The following DNAH2 variants were observed in gnomAD, a reference collection of about 807,000 sequenced individuals.
The protein encoded by DNAH2 is axonemal beta dynein heavy chain 2.
A neutral mutation model predicts 523.5 loss-of-function variants in DNAH2; 323 were observed. The ratio of observed to expected loss-of-function variants is 0.62; its 90% CI spans 0.56 to 0.68. The LOEUF is 0.68. Among genes scored for constraint, DNAH2 ranks in the 30% least tolerant of loss-of-function variants. The probability of loss-of-function intolerance (pLI) is 0.00; values close to 1 mark genes in which losing one functional copy is unlikely to be tolerated. For missense variants in DNAH2, 4,907 were observed against 5,701.5 expected, an observed-to-expected ratio of 0.86 and a Z score of 4.49; for synonymous variants, 2,093 against 2,177.4, an observed-to-expected ratio of 0.96 and a Z score of 1.08.
At chr17:7,804,228 C>G (rs2077301770) in intron 58 of DNAH2, 28 bp from the exon 59 acceptor site, 1 of 1,612,360 alleles carries the variant, frequency 6.2e-7, no homozygotes, top group African/African-American at 1.3e-5. Flanking sequence ...CCCCGCCTCT[C>G]CACACCCTGT....
chr17:7,734,764 T>A, intron 7 of DNAH2, 56 bp downstream of exon 7: 3 of 1,567,414 alleles, frequency 1.9e-6, no homozygotes, highest in Non-Finnish European at 2.6e-6. Flanking sequence ...ATGGTTGGGA[T>A]GATACAGGGA....
chr17:7,797,924 G>A (rs2077111497), intron 53 of DNAH2, 95 bp downstream of exon 53: 1 of 1,496,584 alleles, frequency 6.7e-7, no homozygotes, highest in African/African-American at 1.4e-5. Context: ...CCCAAATCAA[G>A]TTCCAGAAGC....
At position 7,817,985 on chromosome 17, in the gene DNAH2, C is replaced by G. The variant is rs754471787; in HGVS notation, c.10276C>G (p.Arg3426Gly). 6.2e-7 allele frequency: 1 copy of G among 1,614,080 alleles called. No homozygotes were observed. Among genetic ancestry groups the G allele is most frequent in the Admixed American group, 1.7e-5 (1 of 60,014 alleles). ...IIDLQMSDYL[R>G]ILEHAIHFGY... is the part of the protein sequence containing the mutation. Reference sequence around the variant, plus strand: ...CGACCTGCAGATGAGCGATTACCTGCGAATCCTAGAACACGCCATTCACTT... The same window carrying G: ...CGACCTGCAGATGAGCGATTACCTGGGAATCCTAGAACACGCCATTCACTT... Residue 3426 changes from arginine to glycine, a missense_variant, in exon 68 of 86, where the codon CGA becomes GGA. Arg to Gly is a moderately radical substitution (Grantham distance 125). Transcript: ENST00000572933.
In DNAH2 at chr17:7,776,078, C is replaced by T. The variant is rs145092294; in HGVS notation, c.4876C>T (p.Arg1626Trp). 1.6e-4 allele frequency: 252 copies of T among 1,614,114 alleles called. No homozygotes were observed. The Middle Eastern group carries it at 2.1e-3, about 14-fold the overall frequency. Residue 1626 changes from arginine to tryptophan, a missense_variant, in exon 31 of 86, where the codon CGG (arginine) becomes TGG (tryptophan). Physicochemically the swap from Arg to Trp is moderately radical, Grantham distance 101. Transcript: ENST00000572933. ...GAGGGTGACCCTGCGGGACCTTCTCCGGAACTGCCACCTGGCCCTCAGGAA... is the reference window on the plus strand; with the variant it reads ...GAGGGTGACCCTGCGGGACCTTCTCTGGAACTGCCACCTGGCCCTCAGGAA... ...TMRVTLRDLLRNCHLALRKFL... is the reference protein window; with the variant it reads ...TMRVTLRDLLWNCHLALRKFL...
At position 7,759,029 on chromosome 17, in the gene DNAH2, C is replaced by G. The variant is rs200533146; in HGVS notation, c.2353C>G (p.Arg785Gly). The change falls in exon 15 of 86, where the codon CGG becomes GGG. Residue 785 changes from arginine to glycine, a missense_variant. Coordinates refer to ENST00000572933, the MANE Select transcript of DNAH2 (RefSeq NM_020877.5). ...LEFEEDQREH[R>G]AAVQQKLMNL... ...ATTTGAAGAGGACCAAAGAGAGCAT[C>G]GGGCAGCTGTACAGCAGAAATTGAT... is the stretch of plus-strand genomic sequence containing the variant. 6.2e-7 allele frequency: 1 copy of G among 1,614,000 alleles called. No individual in the cohort carries two copies. Among genetic ancestry groups the G allele is most frequent in the Non-Finnish European group, 8.5e-7 (1 of 1,180,038 alleles).
chr17:7,733,168 G>C lies in DNAH2; in HGVS notation c.481G>C (p.Gly161Arg), dbSNP rs915777179. 1 of 1,614,088 alleles carries C rather than the reference G, an allele frequency of 6.2e-7. No homozygotes were observed. The highest frequency in any genetic ancestry group is 2.2e-5 in the East Asian group (1 of 44,894). The change falls in exon 5 of 86, where the codon GGG becomes CGG. Residue 161 changes from glycine (G) to arginine (R), a missense_variant. By Grantham distance (125) the Gly-to-Arg change is moderately radical. Around this residue, in one of 3 missense-constraint regions of DNAH2, gnomAD observed 2,806 missense variants for 3,190.8 expected, o/e 0.88. Coordinates refer to ENST00000572933, the MANE Select transcript of DNAH2 (RefSeq NM_020877.5). Reference protein sequence around the residue: ...WENFEATVQFGTVRGPYIPAL... With the variant: ...WENFEATVQFRTVRGPYIPAL... ...GAACTTCGAGGCAACTGTGCAGTTT[G>C]GGACGGTGCGGGGCCCCTATATCCC... is the stretch of plus-strand genomic sequence containing the variant.
In DNAH2 at chr17:7,824,168, C is replaced by G. The variant is rs1477569536; in HGVS notation, c.11526C>G (p.Ser3842=). Residue 3842 remains serine, a synonymous_variant, in exon 76 of 86, where the codon TCC becomes TCG. Transcript: ENST00000572933. ...GATCCCCACTCGTGTTCATCCTGTC[C>G]CCTGGTGTGGACCCCACCAGTGCCC... is the stretch of plus-strand genomic sequence containing the variant. ...TPRSPLVFIL[S]PGVDPTSALL... 2 of 1,595,832 alleles carry G rather than the reference C, an allele frequency of 1.3e-6. No individual in the cohort carries two copies. Among genetic ancestry groups the G allele is most frequent in the East Asian group, 2.2e-5 (1 of 44,762 alleles).
At chr17:7,750,631 C>G (rs2075657346) in intron 12 of DNAH2, among the ~76,000 whole-genome samples, 1 of 152,158 alleles carries the variant, frequency 6.6e-6, no homozygotes, top group East Asian at 1.9e-4. Context: ...GCTTTGGCCT[C>G]TCTCTTTTAC....
chr17:7,722,749 G>A (rs1462473519), intron 2 of DNAH2, among the ~76,000 whole-genome samples: 1 of 152,094 alleles, frequency 6.6e-6, no homozygotes, highest in Non-Finnish European at 1.5e-5. Context: ...ATAGCCCACT[G>A]CATGTTTATA....
At position 7,777,015 on chromosome 17, in the gene DNAH2, C is replaced by T. The variant is rs539989894; in HGVS notation, c.5058+126C>T. ...CCTGGGCAATATGGCGAAACCCCTT[C>T]TTTACCAAAAAATACAAAAATTAGC... On this transcript the variant is annotated intron_variant, in intron 32 of 85. Transcript: ENST00000572933. 7.5e-5 allele frequency: 53 copies of T among 705,886 alleles called. No homozygotes were observed. In the African/African-American group the frequency reaches 7.7e-4, roughly 10 times the overall value. The allele number at this position is 705,886 out of a possible 1,614,324, so 43.7% of individuals were successfully genotyped here. A position where few individuals can be genotyped will look rare whatever the true frequency, so the allele number is the denominator to read the frequency against.
At position 7,738,839 on chromosome 17, in the gene DNAH2, C is replaced by T. The variant is rs150909920; in HGVS notation, c.1171-894C>T. ...TTCTCGGGGTCTGATTTTTCTAGGG[C>T]TTTCCCTGAATGCAGGGCTCCTGGT... On this transcript the variant is annotated intron_variant, in intron 8 of 85. Coordinates refer to ENST00000572933, the MANE Select transcript of DNAH2 (RefSeq NM_020877.5). 61 of 630,266 alleles carry T rather than the reference C, an allele frequency of 9.7e-5. No individual in the cohort carries two copies. In the East Asian group the frequency reaches 1.7e-3, roughly 17 times the overall value. 39.0% of individuals were successfully genotyped at this position (630,266 alleles called of 1,614,324 possible). A position where few individuals can be genotyped will look rare whatever the true frequency, so the allele number is the denominator to read the frequency against.
At chr17:7,736,827 C>T (rs1387109820) in intron 7 of DNAH2, among the ~76,000 whole-genome samples, 1 of 152,092 alleles carries the variant, frequency 6.6e-6, no homozygotes, top group Non-Finnish European at 1.5e-5. Flanking sequence ...ACTAAAAATA[C>T]AAAAATTAGC....
chr17:7,763,574 C>T (rs1014277684), intron 18 of DNAH2, among the ~76,000 whole-genome samples: 25 of 152,230 alleles, frequency 1.6e-4, no homozygotes, highest in Non-Finnish European at 3.4e-4. Flanking sequence ...CCATCGCACC[C>T]TGCCTCACTC....
intron 39 of DNAH2, among the ~76,000 whole-genome samples, chr17:7,783,064 G>GT (rs938546970): frequency 1.3e-5 from 2 of 152,066 alleles, no homozygotes; most frequent in Non-Finnish European, 2.9e-5. Flanking sequence ...CAGGAGGACT[G>GT]TTTTTTTGTT....
intron 63 of DNAH2, among the ~76,000 whole-genome samples, chr17:7,811,211 C>G (rs2077508246): frequency 6.6e-6 from 1 of 152,116 alleles, no homozygotes; most frequent in South Asian, 2.1e-4. Context: ...TATCAGAGGC[C>G]ATTTAGTTCA....
At chr17:7,775,581 A>T (rs2076426491) in intron 30 of DNAH2, among the ~76,000 whole-genome samples, 3 of 150,936 alleles carry the variant, frequency 2.0e-5, no homozygotes, top group Admixed American at 2.0e-4. Flanking sequence ...GCTACTCGGG[A>T]GGCTGAGGCA....
intron 3 of DNAH2, among the ~76,000 whole-genome samples, chr17:7,726,902 C>CTGTTTGTT (rs3833110): frequency 1.3e-5 from 2 of 152,084 alleles, no homozygotes; most frequent in East Asian, 3.8e-4. Context: ...CCTCTGTGAT[C>CTGTTTGTT]TGTTTGTTTG....
Position 7,760,922 on chromosome 17 carries a change from G to T in DNAH2, c.2968G>T (p.Asp990Tyr). 6.2e-7 allele frequency: 1 copy of T among 1,613,970 alleles called. No homozygotes were observed. The highest frequency in any genetic ancestry group is 8.5e-7 in the Non-Finnish European group (1 of 1,179,930). Residue 990 changes from aspartate (D) to tyrosine (Y), a missense_variant, in exon 18 of 86, where the codon GAC becomes TAC. Around this residue, in one of 3 missense-constraint regions of DNAH2, gnomAD observed 2,806 missense variants for 3,190.8 expected, o/e 0.88. Coordinates refer to ENST00000572933, the MANE Select transcript of DNAH2 (RefSeq NM_020877.5). This position sits in a 1 kb window ranked among gnomAD's most constrained non-coding sequence, Gnocchi z 4.0. ...CCCTCCTGTCTCTTCTTTTGTTGCC[G>T]ACATTGCCCGGTGAGTGGTGAGGGT... ...LNPPVSSFVA[D>Y]IARYTEVANN...
intron 11 of DNAH2, among the ~76,000 whole-genome samples, chr17:7,741,303 T>TTCCTTCCCTCCCTCCCTCCC (rs1477805088): frequency 4.3e-4 from 33 of 76,884 alleles, no homozygotes; most frequent in Admixed American, 3.5e-3. Context: ...TCTTCCTTCC[T>TTCCTTCCCTCCCTCCCTCCC]TCCCTCCCTC....
Sources: gnomAD v4.1 joint callset for allele counts (sites outside exome capture counted in the v4.1 genomes callset) on GRCh38, gnomAD v4.1.1 for gene constraint, gnomAD v4.1.1 regional missense constraint, Gnocchi (gnomAD v3.1) non-coding constraint, MANE v1.5 for transcripts, NCBI Gene and HGNC (gene_info 2026-07-23, HGNC 2026-07-21) for gene names.